GRM5: variants seen among roughly 807,000 people sequenced by gnomAD.
GRM5 encodes the protein glutamate metabotropic receptor 5.
GRM5 carries 19 observed loss-of-function variants against 83.1 expected under a neutral mutation model. The observed-to-expected ratio is 0.23, with a 90% CI of 0.16 to 0.34. GRM5 has a LOEUF of 0.34. GRM5 is among the 10% of genes least tolerant of loss of function. The pLI, the probability that GRM5 is intolerant of heterozygous loss-of-function variation, is 1.00. For synonymous variants in GRM5, 675 were observed against 633.6 expected (o/e 1.07, Z -0.98); for missense variants, 1,160 against 1,588.3 (o/e 0.73, Z 4.58).
intron 2 of GRM5, among the ~76,000 whole-genome samples, chr11:88,932,042 CAT>C (rs1399978659): frequency 2.6e-5 from 4 of 151,912 alleles, no homozygotes; most frequent in Non-Finnish European, 5.9e-5. Flanking sequence ...GACTAAAACA[CAT>C]AAAACCAGAG....
intron 2 of GRM5, among the ~76,000 whole-genome samples, chr11:88,859,937 C>T (rs1433602281): frequency 7.9e-5 from 12 of 152,184 alleles, no homozygotes; most frequent in East Asian, 3.9e-4. Context: ...AAATACACAA[C>T]GCTTAATCAT....
chr11:88,937,354 A>C (rs1937936886), intron 2 of GRM5, among the ~76,000 whole-genome samples: 1 of 151,766 alleles, frequency 6.6e-6, no homozygotes, highest in Non-Finnish European at 1.5e-5. Context: ...AAAGTAATAC[A>C]GTATTTATAT....
chr11:88,516,762 T>C lies in GRM5; in HGVS notation c.2727-7258A>G, dbSNP rs573390778. On this transcript the variant is annotated intron_variant, in intron 9 of 9. Transcript: ENST00000305447. ...TTGGATAAAATGGGCATATGCCTTA[T>C]ATCTGTCAGTTCTAGTCCCATTTCC... Among the ~76,000 whole-genome samples, 7 of 152,130 alleles carry C rather than the reference T, an allele frequency of 4.6e-5. No homozygotes were observed. The East Asian group carries it at 1.2e-3, about 25-fold the overall frequency.
intron 2 of GRM5, among the ~76,000 whole-genome samples, chr11:88,965,447 A>G (rs993690700): frequency 6.6e-6 from 1 of 151,920 alleles, no homozygotes; most frequent in Admixed American, 6.6e-5. Context: ...CTACCTCCAA[A>G]TACCATTACA....
chr11:89,037,218 T>C (rs1428391005), intron 2 of GRM5, among the ~76,000 whole-genome samples: 54 of 152,108 alleles, frequency 3.6e-4, no homozygotes, highest in Non-Finnish European at 2.9e-5. Context: ...ATGTAAATGT[T>C]TAATGTCAAA....
chr11:88,623,228 G>A (rs1261787177), intron 4 of GRM5, among the ~76,000 whole-genome samples: 2 of 152,100 alleles, frequency 1.3e-5, no homozygotes, highest in African/African-American at 4.8e-5. Flanking sequence ...TGGGATTATA[G>A]CTGCCCACCA....
At chr11:88,646,332 G>A (rs182750378) in intron 4 of GRM5, among the ~76,000 whole-genome samples, 43 of 148,848 alleles carry the variant, frequency 2.9e-4, no homozygotes, top group African/African-American at 7.3e-4. Context: ...TATTAAATTC[G>A]ACTTATAATT....
chr11:88,884,318 T>A (rs951721974), intron 2 of GRM5, among the ~76,000 whole-genome samples: 2 of 152,220 alleles, frequency 1.3e-5, no homozygotes, highest in African/African-American at 4.8e-5. Context: ...TGGACTTGCA[T>A]GGAGCCTGAA....
At chr11:88,708,595 G>C (rs1245380665) in intron 3 of GRM5, among the ~76,000 whole-genome samples, 1 of 151,996 alleles carries the variant, frequency 6.6e-6, no homozygotes, top group Non-Finnish European at 1.5e-5. Flanking sequence ...CTACAGCAGG[G>C]ATTTAGTGAC....
chr11:88,658,338 C>T (rs531733131), intron 3 of GRM5, among the ~76,000 whole-genome samples: 1 of 152,264 alleles, frequency 6.6e-6, no homozygotes, highest in South Asian at 2.1e-4. Flanking sequence ...CATGTTATTT[C>T]TGCTCACGTT....
chr11:88,661,268 C>T (rs1006764303), intron 3 of GRM5, among the ~76,000 whole-genome samples: 2 of 152,074 alleles, frequency 1.3e-5, no homozygotes, highest in South Asian at 2.1e-4. Flanking sequence ...AAAAGGAAAA[C>T]TTCAAATAAC....
chr11:88,936,555 A>G (rs545676081), intron 2 of GRM5, among the ~76,000 whole-genome samples: 1 of 152,032 alleles, frequency 6.6e-6, no homozygotes, highest in East Asian at 1.9e-4. Context: ...GAAATAAAGT[A>G]TCTTTTAACA....
chr11:88,612,915 A>G (rs1938365859), intron 4 of GRM5: 1 of 152,206 alleles, frequency 6.6e-6, no homozygotes, highest in African/African-American at 2.4e-5. Flanking sequence ...CAAGCACTCA[A>G]AGAATTTTTT....
At chr11:88,821,815 C>T (rs764450265) in intron 3 of GRM5, among the ~76,000 whole-genome samples, 5 of 151,960 alleles carry the variant, frequency 3.3e-5, no homozygotes, top group African/African-American at 9.7e-5. Context: ...TGAAAAACAC[C>T]CTTAACTCAT....
At chr11:88,874,071 T>C (rs1438944246) in intron 2 of GRM5, among the ~76,000 whole-genome samples, 1 of 151,744 alleles carries the variant, frequency 6.6e-6, no homozygotes, top group Non-Finnish European at 1.5e-5. Flanking sequence ...TGAGCAATGA[T>C]ATTGATTCAG....
chr11:88,637,133 T>C (rs1939150726), intron 4 of GRM5, among the ~76,000 whole-genome samples: 1 of 152,136 alleles, frequency 6.6e-6, no homozygotes, highest in African/African-American at 2.4e-5. Context: ...ATCTATAAAT[T>C]ACCTTGGGCA....
intron 3 of GRM5, among the ~76,000 whole-genome samples, chr11:88,790,991 G>A (rs1426538972): frequency 6.6e-6 from 1 of 152,108 alleles, no homozygotes; most frequent in Non-Finnish European, 1.5e-5. Flanking sequence ...TGCAAGCACA[G>A]GAGAGGAAAT....
At chr11:88,772,062 T>C (rs1296775738) in intron 3 of GRM5, among the ~76,000 whole-genome samples, 1 of 152,098 alleles carries the variant, frequency 6.6e-6, no homozygotes, top group Non-Finnish European at 1.5e-5. Flanking sequence ...AGCAGTATTA[T>C]GTGTGGATAT....
At position 89,059,603 on chromosome 11, in the gene GRM5, T is replaced by C. The variant is rs545993646; in HGVS notation, c.-201+6173A>G. Among the ~76,000 whole-genome samples the C allele has an allele frequency of 3.3e-4, 51 of 152,260 alleles. 1 individual carries two copies. Among genetic ancestry groups the C allele is most frequent in the African/African-American group, 1.2e-3 (49 of 41,558 alleles). ...AGTTATTTAATCTATGTTAGTATTA[T>C]GTTTTATCATTAAAGTCATAAAATA... is the stretch of plus-strand genomic sequence containing the variant. On this transcript the variant is annotated intron_variant, in intron 1 of 9. Coordinates refer to ENST00000305447, the MANE Select transcript of GRM5 (RefSeq NM_001143831.3).
Sources: allele counts gnomAD v4.1 joint callset (sites outside exome capture counted in the v4.1 genomes callset), GRCh38; gene constraint gnomAD v4.1.1; transcripts MANE v1.5; gene names NCBI Gene and HGNC (gene_info 2026-07-23, HGNC 2026-07-21).